Variants in LMO7 observed in about 807,000 individuals in gnomAD.
LMO7 encodes the protein LIM domain only protein 7.
LMO7 carries 120 observed loss-of-function variants against 206.5 expected under a neutral mutation model. The observed-to-expected ratio is 0.58, with a 90% CI of 0.50 to 0.68. The LOEUF (loss-of-function observed/expected upper bound fraction) is 0.68. Ranked by LOEUF, LMO7 falls within the 30% of genes least tolerant of loss-of-function variation. The probability of loss-of-function intolerance (pLI) is 0.00; values close to 1 mark genes in which losing one functional copy is unlikely to be tolerated. For synonymous variants in LMO7, 706 were observed against 681.5 expected (o/e 1.04, Z -0.56); for missense variants, 1,959 against 1,957.9 (o/e 1.00, Z -0.01).
chr13:75,799,195 A>G (rs904367771), intron 6 of LMO7, among the ~76,000 whole-genome samples: 2 of 152,204 alleles, frequency 1.3e-5, no homozygotes, highest in African/African-American at 4.8e-5. Context: ...AAACAATTGA[A>G]TCATGAATTG....
upstream of LMO7, among the ~76,000 whole-genome samples, chr13:75,633,112 C>T (rs2035211534): frequency 6.6e-6 from 1 of 152,084 alleles, no homozygotes; most frequent in Non-Finnish European, 1.5e-5. Flanking sequence ...ACCCGCCCGC[C>T]TCGGCCTCCC....
chr13:75,663,000 G>A (rs961708038), intron 1 of LMO7, among the ~76,000 whole-genome samples: 2 of 152,258 alleles, frequency 1.3e-5, no homozygotes, highest in African/African-American at 2.4e-5. Flanking sequence ...CCCACTTAAG[G>A]GACTTATATA....
rs148814631 is a variant in LMO7 at position 75,750,574 on chromosome 13, G to A, written c.211-10358G>A. ...CTGGATAATAATTTTATTTTTTTTG[G>A]TAGAGAGACAGGGTCTGACTATGTT... On this transcript the variant is annotated intron_variant, in intron 3 of 30. Transcript: ENST00000377534. Among the ~76,000 whole-genome samples the A allele has an allele frequency of 8.5e-3, 1,295 of 151,534 alleles. 13 individuals carry two copies. The highest frequency in any genetic ancestry group is 0.014 in the Non-Finnish European group (939 of 67,810).
intron 1 of LMO7, among the ~76,000 whole-genome samples, chr13:75,696,801 C>A (rs28634531): frequency 0.071 from 10,814 of 152,068 alleles, 804 homozygotes; most frequent in African/African-American, 0.18. Context: ...TTCCCAAGCT[C>A]CCATGCCTGC....
chr13:75,648,108 G>C (rs1274198707), intron 1 of LMO7, among the ~76,000 whole-genome samples: 1 of 151,652 alleles, frequency 6.6e-6, no homozygotes, highest in Non-Finnish European at 1.5e-5. Flanking sequence ...ACCACACTTT[G>C]TTAATTTTTA....
Position 75,841,688 on chromosome 13 carries a change from A to G in LMO7, c.3736A>G (p.Thr1246Ala). The G allele has an allele frequency of 6.2e-6, 10 of 1,614,108 alleles. No homozygotes were observed. The highest frequency in any genetic ancestry group is 7.6e-6 in the Non-Finnish European group (9 of 1,179,998). The change falls in exon 24 of 31, where the codon ACC becomes GCC. Residue 1246 changes from threonine (T) to alanine (A), a missense_variant. Thr to Ala is a moderately conservative substitution (Grantham distance 58, BLOSUM62 0). Transcript: ENST00000377534. ...GACCACACGGGAGCCCTCTCTTGCC[A>G]CCTGGGAAGCTACCTGGAGTGAAGG... ...SLTTREPSLATWEATWSEGSK... is the reference protein window; with the variant it reads ...SLTTREPSLAAWEATWSEGSK...
intron 5 of LMO7, among the ~76,000 whole-genome samples, chr13:75,795,885 G>GC (rs1242559236): frequency 2.6e-4 from 39 of 152,182 alleles, no homozygotes; most frequent in African/African-American, 9.2e-4. Context: ...GCCAGGTGAT[G>GC]CCTTGATAGG....
chr13:75,749,180 G>C (rs1020108289), intron 3 of LMO7, among the ~76,000 whole-genome samples: 1 of 152,198 alleles, frequency 6.6e-6, no homozygotes, highest in Admixed American at 6.5e-5. Context: ...TGATGCTAAA[G>C]ATCGTTGGGA....
chr13:75,666,743 A>G (rs1243561812), intron 1 of LMO7, among the ~76,000 whole-genome samples: 1 of 152,170 alleles, frequency 6.6e-6, no homozygotes. Context: ...AAAAGTTTGG[A>G]TTTTATCTTG....
At chr13:75,794,389 A>G (rs1180819458) in intron 4 of LMO7, among the ~76,000 whole-genome samples, 2 of 152,170 alleles carry the variant, frequency 1.3e-5, no homozygotes, top group South Asian at 2.1e-4. Flanking sequence ...CTGGAAAGGA[A>G]TGGTCTTAGT....
chr13:75,725,392 G>A (rs767549362), intron 2 of LMO7, among the ~76,000 whole-genome samples: 3 of 152,024 alleles, frequency 2.0e-5, no homozygotes, highest in Non-Finnish European at 4.4e-5. Flanking sequence ...ATAAGTCAGT[G>A]CTGAGCTAGT....
chr13:75,855,171 A>G, intron 28 of LMO7, 89 bp from the exon 29 acceptor site: 1 of 737,636 alleles, frequency 1.4e-6, no homozygotes, highest in South Asian at 1.8e-5. Flanking sequence ...TTAAATTATT[A>G]TCAGTGTTAA....
At chr13:75,834,408 T>G (rs2058947213) in intron 17 of LMO7, 21 bp downstream of exon 17, 3 of 1,534,314 alleles carry the variant, frequency 2.0e-6, no homozygotes, top group African/African-American at 2.8e-5. Context: ...GTTACCACCA[T>G]GTCTGGCATT....
chr13:75,844,013 A>G (rs2059765648), intron 25 of LMO7, among the ~76,000 whole-genome samples: 1 of 152,218 alleles, frequency 6.6e-6, no homozygotes, highest in Non-Finnish European at 1.5e-5. Flanking sequence ...AATCATTAAA[A>G]TGTTTATCTC....
At chr13:75,684,541 G>C (rs1217509098) in intron 1 of LMO7, among the ~76,000 whole-genome samples, 1 of 145,676 alleles carries the variant, frequency 6.9e-6, no homozygotes, top group Non-Finnish European at 1.5e-5. Flanking sequence ...CACTGCGCCC[G>C]GCCGGCTTTT....
intron 1 of LMO7, among the ~76,000 whole-genome samples, chr13:75,696,711 C>T (rs1487240247): frequency 1.3e-5 from 2 of 152,132 alleles, no homozygotes; most frequent in East Asian, 3.9e-4. Flanking sequence ...ACACACTGAA[C>T]CCTGAGTTAA....
At chr13:75,646,640 A>G (rs1004397289) in intron 1 of LMO7, among the ~76,000 whole-genome samples, 1 of 151,096 alleles carries the variant, frequency 6.6e-6, no homozygotes, top group African/African-American at 2.4e-5. Context: ...GTGGAGTGCA[A>G]TGGCACGATC....
intron 15 of LMO7, among the ~76,000 whole-genome samples, chr13:75,832,214 A>T (rs1354143755): frequency 6.6e-6 from 1 of 152,234 alleles, no homozygotes; most frequent in Non-Finnish European, 1.5e-5. Context: ...CAGACGTAGT[A>T]TACTGTAAAA....
intron 4 of LMO7, chr13:75,788,958 A>C (rs1430440567): frequency 1.3e-5 from 2 of 152,328 alleles, no homozygotes; most frequent in Non-Finnish European, 2.9e-5. Flanking sequence ...GCAACAAAGC[A>C]AGGCGGATAC....
Sources: gnomAD v4.1 joint callset for allele counts (sites outside exome capture counted in the v4.1 genomes callset) on GRCh38, gnomAD v4.1.1 for gene constraint, MANE v1.5 for transcripts, NCBI Gene and HGNC (gene_info 2026-07-23, HGNC 2026-07-21) for gene names.